DNAH3: variants seen among roughly 807,000 people sequenced by gnomAD.
DNAH3 encodes axonemal beta dynein heavy chain 3.
Under a neutral mutation model 432.5 loss-of-function variants are expected in DNAH3, and 332 were observed. The ratio of observed to expected loss-of-function variants is 0.77; its 90% confidence interval spans 0.70 to 0.84. The LOEUF (loss-of-function observed/expected upper bound fraction) is 0.84, where lower values mean the gene tolerates loss of function less well. Ranked by LOEUF, DNAH3 falls within the 40% of genes least tolerant of loss-of-function variation. DNAH3 has a pLI of 0.00. For synonymous variants in DNAH3, 1,956 were observed against 1,900.2 expected, an observed-to-expected ratio of 1.03 and a Z score of -0.76; for missense variants, 4,861 against 5,114.0, an observed-to-expected ratio of 0.95 and a Z score of 1.51.
exon 24 of DNAH3, chr16:21,067,317 C>T (rs768867312): frequency 6.2e-7 from 1 of 1,614,090 alleles, no homozygotes; most frequent in South Asian, 1.1e-5. Context: ...TCCAAGTAAT[C>T]ATTCAGCCCT....
intron 55 of DNAH3, among the ~76,000 whole-genome samples, chr16:20,953,621 G>C (rs750450524): frequency 6.6e-6 from 1 of 151,758 alleles, no homozygotes; most frequent in Non-Finnish European, 1.5e-5. Flanking sequence ...CTTTTGCCCA[G>C]TCTAGAGTGG....
rs527718165 is a variant in DNAH3, at chr16:21,071,201, C to T, written c.3085-375G>A. ...GGGATTACAGGCAAATGACACCACG[C>T]CCTGCTAATTCTGTATTTTTAGTAG... On this transcript the variant is annotated intron_variant, in intron 21 of 61. Coordinates refer to ENST00000261383, the Ensembl canonical transcript of DNAH3. Among the ~76,000 whole-genome samples the T allele has an allele frequency of 1.6e-4, 25 of 152,250 alleles. 1 individual carries two copies. In the East Asian group the frequency reaches 2.7e-3, roughly 16 times the overall value.
chr16:21,078,828 C>T (rs1446993865), intron 20 of DNAH3, among the ~76,000 whole-genome samples: 1 of 152,200 alleles, frequency 6.6e-6, no homozygotes, highest in South Asian at 2.1e-4. Context: ...TGTGATGAAG[C>T]TGCATTAACT....
intron 31 of DNAH3, among the ~76,000 whole-genome samples, chr16:21,048,097 T>C (rs1012977151): frequency 6.6e-6 from 1 of 152,242 alleles, no homozygotes; most frequent in Non-Finnish European, 1.5e-5. Context: ...GACAGGGACA[T>C]TTAAGTCTGC....
exon 10 of DNAH3, chr16:21,122,075 G>A (rs753683467): frequency 3.1e-6 from 5 of 1,613,398 alleles, no homozygotes; most frequent in Non-Finnish European, 4.2e-6. Context: ...GATTAGCTGA[G>A]GTATGAAAAA....
At chr16:21,126,209 CTTCA>C (rs1247815743) in intron 8 of DNAH3, among the ~76,000 whole-genome samples, 3 of 152,148 alleles carry the variant, frequency 2.0e-5, no homozygotes, top group Non-Finnish European at 4.4e-5. Context: ...GAAATAGATG[CTTCA>C]TTGTTTCTTT....
chr16:21,046,837 T>C (rs984758318), intron 31 of DNAH3, among the ~76,000 whole-genome samples: 1 of 152,204 alleles, frequency 6.6e-6, no homozygotes, highest in Non-Finnish European at 1.5e-5. Context: ...CCATGTTTAG[T>C]GCTTCCTTCA....
chr16:21,022,531 G>A (rs2088295348), intron 39 of DNAH3, among the ~76,000 whole-genome samples: 1 of 152,120 alleles, frequency 6.6e-6, no homozygotes, highest in Admixed American at 6.6e-5. Context: ...GTCAAAGAGA[G>A]TACAGAGCTA....
intron 31 of DNAH3, among the ~76,000 whole-genome samples, chr16:21,047,202 C>G: frequency 7.6e-6 from 1 of 132,282 alleles, no homozygotes; most frequent in South Asian, 2.5e-4. Context: ...CTCTGTATTT[C>G]CTGAATCTGA....
chr16:20,963,484 G>C (rs756216198), exon 53 of DNAH3: 1 of 1,614,174 alleles, frequency 6.2e-7, no homozygotes, highest in Non-Finnish European at 8.5e-7. Context: ...CAATCCTTGA[G>C]AGAACTTCCA....
intron 5 of DNAH3, among the ~76,000 whole-genome samples, chr16:21,138,443 G>A (rs2152826839): frequency 6.6e-6 from 1 of 152,266 alleles, no homozygotes; most frequent in East Asian, 1.9e-4. Context: ...TCCTCAGGCA[G>A]TTAGGGTGTT....
At chr16:20,965,158 C>T in exon 53 of DNAH3, 2 of 1,614,110 alleles carry the variant, frequency 1.2e-6, no homozygotes, top group Non-Finnish European at 1.7e-6. Context: ...CTCTGCCTCC[C>T]TCAGTCGCTC....
chr16:21,006,266 C>T (rs949975795), intron 41 of DNAH3, among the ~76,000 whole-genome samples: 1 of 152,102 alleles, frequency 6.6e-6, no homozygotes, highest in African/African-American at 2.4e-5. Context: ...ATTTTATTCC[C>T]AATCTGTTTC....
At chr16:20,987,377 C>G in exon 47 of DNAH3, 1 of 1,614,138 alleles carries the variant, frequency 6.2e-7, no homozygotes. Flanking sequence ...GTCTGTCCTC[C>G]TTGTCAATCA....
chr16:21,157,336 CTTT>C lies in DNAH3; in HGVS notation c.117+1986_117+1988del, dbSNP rs34449371. ...CCTCACTACAACCCTGTGATTGCTT[CTTT>C]TTTTTTTTTTTTTTTTTTGAGACAG... On this transcript the variant is annotated intron_variant, in intron 1 of 61. Transcript: ENST00000261383. Among the ~76,000 whole-genome samples, 150 of 111,836 alleles carry C rather than the reference CTTT, an allele frequency of 1.3e-3. 1 individual carries two copies. The highest frequency in any genetic ancestry group is 0.013 in the South Asian group (44 of 3,438). The allele number at this position is 111,836 out of a possible 152,430, so 73.4% of individuals were successfully genotyped here. A position where few individuals can be genotyped will look rare whatever the true frequency, so the allele number is the denominator to read the frequency against.
At position 20,955,072 on chromosome 16, in the gene DNAH3, G is replaced by A. The variant is rs1232672003; in HGVS notation, c.10827-15C>T. Reference sequence around the variant, plus strand: ...TTAGCCAGAGTCTGGAAGAACAATGGACCCAACGTTTTAGAGCAATACAAT... The same window carrying A: ...TTAGCCAGAGTCTGGAAGAACAATGAACCCAACGTTTTAGAGCAATACAAT... On this transcript the variant is annotated splice_polypyrimidine_tract_variant and intron_variant, in intron 54 of 61. Transcript: ENST00000261383. The A allele has an allele frequency of 6.3e-7, 1 of 1,588,276 alleles. No homozygotes were observed. Among genetic ancestry groups the A allele is most frequent in the South Asian group, 1.1e-5 (1 of 88,946 alleles).
intron 51 of DNAH3, among the ~76,000 whole-genome samples, chr16:20,974,996 T>G (rs886280875): frequency 2.0e-5 from 3 of 150,180 alleles, no homozygotes; most frequent in African/African-American, 4.9e-5. Flanking sequence ...TTTTTTTTTT[T>G]TTTTTTTTTT....
At chr16:21,063,567 G>T (rs1428509137) in intron 24 of DNAH3, among the ~76,000 whole-genome samples, 1 of 145,352 alleles carries the variant, frequency 6.9e-6, no homozygotes, top group African/African-American at 2.6e-5. Flanking sequence ...ATTTGAGACA[G>T]GGTCTGTCTC....
intron 49 of DNAH3, among the ~76,000 whole-genome samples, chr16:20,979,870 C>T (rs556569277): frequency 2.5e-4 from 38 of 152,296 alleles, no homozygotes; most frequent in Non-Finnish European, 1.2e-4. Flanking sequence ...CTGCTTCAGC[C>T]TCCCGAGTAG....
Sources: gnomAD v4.1 joint callset for allele counts (sites outside exome capture counted in the v4.1 genomes callset) on GRCh38, gnomAD v4.1.1 for gene constraint, MANE v1.5 for transcripts, NCBI Gene and HGNC (gene_info 2026-07-23, HGNC 2026-07-21) for gene names.